Variants in NXPE2 observed in about 807,000 individuals in gnomAD.
The protein encoded by NXPE2 is neurexophilin and PC-esterase domain family member 2.
NXPE2 carries 34 observed loss-of-function variants against 34.4 expected under a neutral mutation model. The observed-to-expected ratio is 0.99, with a 90% CI of 0.75 to 1.31. NXPE2 has a LOEUF of 1.31. Among genes scored for constraint, NXPE2 ranks in the 40% most tolerant of loss-of-function variants. NXPE2 has a pLI of 0.00. For synonymous variants in NXPE2, 235 were observed against 231.3 expected (o/e 1.02, Z -0.15); for missense variants, 649 against 672.5 (o/e 0.97, Z 0.39).
the NXPE2 span, among the ~76,000 whole-genome samples, chr11:114,639,491 T>C: frequency 6.6e-6 from 1 of 151,612 alleles, no homozygotes; most frequent in Non-Finnish European, 1.5e-5. Context: ...GTGCCCACTG[T>C]CTGGCACTCC....
the NXPE2 span, among the ~76,000 whole-genome samples, chr11:114,719,547 A>C: frequency 2.6e-5 from 4 of 152,216 alleles, no homozygotes; most frequent in Admixed American, 6.5e-5. Context: ...CCTGATGTGA[A>C]TCAGAGGTGA....
intron 2 of NXPE2, among the ~76,000 whole-genome samples, chr11:114,697,751 G>A (rs1184039380): frequency 6.6e-6 from 1 of 152,158 alleles, no homozygotes; most frequent in Non-Finnish European, 1.5e-5. Context: ...TGAGGGGATA[G>A]CAAAAGGAAA....
chr11:114,489,963 C>T, the NXPE2 span, among the ~76,000 whole-genome samples: 2,411 of 152,252 alleles, frequency 0.016, 68 homozygotes, highest in African/African-American at 0.056. Context: ...AAAACCCCGT[C>T]GTCTCAGCCC....
chr11:114,654,133 A>G, the NXPE2 span, among the ~76,000 whole-genome samples: 1 of 152,252 alleles, frequency 6.6e-6, no homozygotes, highest in Non-Finnish European at 1.5e-5. Context: ...AGTGGCTTTC[A>G]GGATCCAATC....
chr11:114,516,171 G>A, the NXPE2 span, among the ~76,000 whole-genome samples: 3 of 152,264 alleles, frequency 2.0e-5, no homozygotes, highest in African/African-American at 7.2e-5. Context: ...TGGGGTGGGG[G>A]TGTGCTGTTG....
At chr11:114,582,982 A>T in the NXPE2 span, 1 of 1,613,822 alleles carries the variant, frequency 6.2e-7, no homozygotes, top group Non-Finnish European at 8.5e-7. Context: ...GAGTTGTTCC[A>T]GTAATGGAGG....
At chr11:114,716,465 A>G in the NXPE2 span, among the ~76,000 whole-genome samples, 1 of 152,168 alleles carries the variant, frequency 6.6e-6, no homozygotes, top group Non-Finnish European at 1.5e-5. Context: ...TGTTTCCTGT[A>G]TCCTCCCTTA....
downstream of NXPE2, among the ~76,000 whole-genome samples, chr11:114,708,885 C>T (rs532809699): frequency 6.6e-6 from 1 of 152,154 alleles, no homozygotes; most frequent in Non-Finnish European, 1.5e-5. Context: ...TTCCTTCAAC[C>T]TGGTTCTGAC....
chr11:114,624,743 A>C, the NXPE2 span, among the ~76,000 whole-genome samples: 4 of 152,168 alleles, frequency 2.6e-5, no homozygotes, highest in Non-Finnish European at 4.4e-5. Flanking sequence ...CCTCCAGGGT[A>C]ACCACTGTTA....
chr11:114,670,811 A>C, the NXPE2 span, among the ~76,000 whole-genome samples: 3 of 151,898 alleles, frequency 2.0e-5, no homozygotes, highest in Non-Finnish European at 4.4e-5. Context: ...TTTCAACAAA[A>C]ATTATAAGAC....
At chr11:114,787,219 AG>A in the NXPE2 span, among the ~76,000 whole-genome samples, 1 of 152,144 alleles carries the variant, frequency 6.6e-6, no homozygotes, top group Admixed American at 6.5e-5. Flanking sequence ...TGGGGAAAAA[AG>A]CTCGGGAGCC....
chr11:114,744,034 T>C, the NXPE2 span, among the ~76,000 whole-genome samples: 1 of 152,166 alleles, frequency 6.6e-6, no homozygotes, highest in Non-Finnish European at 1.5e-5. Flanking sequence ...TGCTCTCTCA[T>C]TGCTCTTGGG....
the NXPE2 span, among the ~76,000 whole-genome samples, chr11:114,747,388 C>G: frequency 6.6e-6 from 1 of 152,232 alleles, no homozygotes; most frequent in African/African-American, 2.4e-5. Context: ...CTTTTCACTG[C>G]CTACACAGAA....
At chr11:114,634,174 A>G in the NXPE2 span, among the ~76,000 whole-genome samples, 3 of 151,540 alleles carry the variant, frequency 2.0e-5, no homozygotes, top group African/African-American at 7.3e-5. Flanking sequence ...GTGAGATGGT[A>G]TCTCATTGTG....
At chr11:114,474,662 G>A in the NXPE2 span, among the ~76,000 whole-genome samples, 17 of 152,278 alleles carry the variant, frequency 1.1e-4, no homozygotes, top group East Asian at 3.1e-3. Flanking sequence ...CAAAATAGGA[G>A]CAGCAAGTAT....
the NXPE2 span, among the ~76,000 whole-genome samples, chr11:114,531,784 C>A: frequency 6.6e-6 from 1 of 152,158 alleles, no homozygotes; most frequent in African/African-American, 2.4e-5. Context: ...ACCACCTAAA[C>A]ATCTCTTAAC....
the NXPE2 span, among the ~76,000 whole-genome samples, chr11:114,760,723 A>T: frequency 2.0e-5 from 3 of 152,170 alleles, no homozygotes; most frequent in South Asian, 6.2e-4. Context: ...CTCCTTCTCC[A>T]AATGTAAAAA....
the NXPE2 span, among the ~76,000 whole-genome samples, chr11:114,637,144 C>T: frequency 2.0e-5 from 3 of 151,604 alleles, no homozygotes; most frequent in Admixed American, 1.3e-4. Flanking sequence ...AATCTAGGTG[C>T]TCCTGTATTG....
the NXPE2 span, among the ~76,000 whole-genome samples, chr11:114,478,860 C>T: frequency 5.9e-5 from 9 of 152,280 alleles, no homozygotes; most frequent in Admixed American, 2.0e-4. Context: ...TTGTCCTGGG[C>T]GCCAGGGACA....
Sources: gnomAD v4.1 joint callset for allele counts (sites outside exome capture counted in the v4.1 genomes callset) on GRCh38, gnomAD v4.1.1 for gene constraint, MANE v1.5 for transcripts, NCBI Gene and HGNC (gene_info 2026-07-23, HGNC 2026-07-21) for gene names.